The following MAD1L1 variants were observed in gnomAD, a reference collection of about 807,000 sequenced individuals.
The protein encoded by MAD1L1 is mitotic arrest deficient 1 like 1.
A neutral mutation model predicts 96.9 loss-of-function variants in MAD1L1; 95 were observed. That is an observed-to-expected ratio of 0.98 (90% CI 0.83 to 1.16). The LOEUF is 1.16. Ranked by LOEUF, MAD1L1 falls within the 50% of genes most tolerant of loss-of-function variation. The probability of loss-of-function intolerance (pLI) is 0.00; values close to 1 mark genes in which losing one functional copy is unlikely to be tolerated. For missense variants in MAD1L1, 1,007 were observed against 954.4 expected, an observed-to-expected ratio of 1.06 and a Z score of -0.73; for synonymous variants, 473 against 396.6, an observed-to-expected ratio of 1.19 and a Z score of -2.29.
chr7:1,816,086 C>CG lies in MAD1L1; in HGVS notation c.2140dup (p.Arg714ProfsTer47). Reference sequence around the variant, plus strand: ...GCCTGCAGGCTACGCCACGGTCTGGCGGCTGAAGAGCTCGAGGGTGAGCGA... The same window carrying CG: ...GCCTGCAGGCTACGCCACGGTCTGGCGGGCTGAAGAGCTCGAGGGTGAGCGA... On this transcript the variant is annotated frameshift_variant, in exon 19 of 19. Transcript: ENST00000265854. LOFTEE classifies it high-confidence loss of function. 2 of 1,611,054 alleles carry CG rather than the reference C, an allele frequency of 1.2e-6. No homozygotes were observed. Among genetic ancestry groups the CG allele is most frequent in the Non-Finnish European group, 1.7e-6 (2 of 1,179,010 alleles).
chr7:1,883,212 C>T (rs544409057), intron 18 of MAD1L1, among the ~76,000 whole-genome samples: 3 of 152,184 alleles, frequency 2.0e-5, no homozygotes, highest in African/African-American at 7.2e-5. Flanking sequence ...TCCTTAACAA[C>T]AAACCTTGTG....
At chr7:1,994,400 C>T (rs1781469639) in intron 14 of MAD1L1, among the ~76,000 whole-genome samples, 1 of 152,184 alleles carries the variant, frequency 6.6e-6, no homozygotes, top group African/African-American at 2.4e-5. Flanking sequence ...GGGAGCAGCA[C>T]AGGGATTGCT....
At chr7:2,153,061 C>T (rs962081610) in intron 10 of MAD1L1, among the ~76,000 whole-genome samples, 3 of 152,058 alleles carry the variant, frequency 2.0e-5, no homozygotes, top group African/African-American at 4.8e-5. Flanking sequence ...AGGCTGAAAC[C>T]TAAGACCCAA....
In MAD1L1 at chr7:1,815,927, A is replaced by G; in HGVS notation, c.*143T>C. 1 of 988,278 alleles carries G rather than the reference A, an allele frequency of 1.0e-6. No homozygotes were observed. Among genetic ancestry groups the G allele is most frequent in the Non-Finnish European group, 1.4e-6 (1 of 692,682 alleles). 61.2% of individuals were successfully genotyped at this position (988,278 alleles called of 1,614,324 possible). ...GCCGCCCCAGCAGGAAGCCCGACGT[A>G]GGTCCCAGCGTGTCTGTCAGTCATG... On this transcript the variant is annotated 3_prime_UTR_variant, in exon 19 of 19. Coordinates refer to ENST00000265854, the MANE Select transcript of MAD1L1 (RefSeq NM_001013836.2).
intron 12 of MAD1L1, among the ~76,000 whole-genome samples, chr7:2,033,401 G>C (rs1009800089): frequency 2.0e-5 from 3 of 152,260 alleles, no homozygotes; most frequent in African/African-American, 7.2e-5. Flanking sequence ...CCCCGAAGCA[G>C]TGGAAGGAAT....
chr7:1,972,604 A>AT (rs55656816), intron 15 of MAD1L1, among the ~76,000 whole-genome samples: 149,546 of 151,840 alleles, frequency 0.98, 73,680 homozygotes, highest in East Asian at 1. Context: ...ATTTTATTGA[A>AT]TTTTTTTTCC....
At position 1,949,603 on chromosome 7, in the gene MAD1L1, G is replaced by A. The variant is rs550052431; in HGVS notation, c.1596+8026C>T. 3.9e-5 allele frequency among the ~76,000 whole-genome samples: 6 copies of A among 152,276 alleles called. No homozygotes were observed. In the South Asian group the frequency reaches 6.2e-4, roughly 16 times the overall value. On this transcript the variant is annotated intron_variant, in intron 16 of 18. Transcript: ENST00000265854. ...CCTCTTCCTGGCCCCCAGGAGAGCC[G>A]CAGCCACTTTCCACCTCCCCTGAAA...
intron 12 of MAD1L1, among the ~76,000 whole-genome samples, chr7:2,022,557 G>GA (rs60897368): frequency 0.36 from 53,578 of 148,914 alleles, 10,580 homozygotes; most frequent in African/African-American, 0.54. Flanking sequence ...GTCTCCAAAA[G>GA]AAAAAAAAAA....
intron 14 of MAD1L1, among the ~76,000 whole-genome samples, chr7:1,986,172 A>T (rs1040933031): frequency 6.6e-6 from 1 of 152,192 alleles, no homozygotes; most frequent in Admixed American, 6.5e-5. Context: ...TGCGAGTCCA[A>T]TCAGCCCCCA....
In MAD1L1 at chr7:2,201,098, C is replaced by T. The variant is rs564844957; in HGVS notation, c.986+12114G>A. 5.4e-4 allele frequency among the ~76,000 whole-genome samples: 82 copies of T among 152,316 alleles called. 1 individual carries two copies. The highest frequency in any genetic ancestry group is 1.0e-3 in the Non-Finnish European group (69 of 68,020). On this transcript the variant is annotated intron_variant, in intron 10 of 18. Coordinates refer to ENST00000265854, the MANE Select transcript of MAD1L1 (RefSeq NM_001013836.2). Reference sequence around the variant, plus strand: ...CCAGGTGATCCTGTAGAGGTCACACCTCACAGCCCCAAAGCTGACGTTGAG... The same window carrying T: ...CCAGGTGATCCTGTAGAGGTCACACTTCACAGCCCCAAAGCTGACGTTGAG...
chr7:1,972,572 C>T (rs1386315038), intron 15 of MAD1L1, among the ~76,000 whole-genome samples: 1 of 148,796 alleles, frequency 6.7e-6, no homozygotes, highest in African/African-American at 2.5e-5. Context: ...TTATTTTTGT[C>T]AAATTTGCTA....
At chr7:2,176,988 G>A (rs1042541896) in intron 10 of MAD1L1, among the ~76,000 whole-genome samples, 8 of 152,210 alleles carry the variant, frequency 5.3e-5, no homozygotes, top group African/African-American at 1.9e-4. Context: ...TTCTCCAGGT[G>A]AACTGTGAAT....
intron 11 of MAD1L1, among the ~76,000 whole-genome samples, chr7:2,133,714 A>T (rs1244901705): frequency 6.6e-6 from 1 of 152,188 alleles, no homozygotes; most frequent in Non-Finnish European, 1.5e-5. Flanking sequence ...CTCTGAGTTG[A>T]TTTTTGAGGA....
intron 18 of MAD1L1, among the ~76,000 whole-genome samples, chr7:1,834,128 C>T (rs1350059101): frequency 1.3e-5 from 2 of 152,082 alleles, no homozygotes; most frequent in African/African-American, 4.8e-5. Context: ...GTCATTTGAA[C>T]TGAATGAAGA....
chr7:1,881,745 T>C (rs1404879150), intron 18 of MAD1L1, among the ~76,000 whole-genome samples: 1 of 152,064 alleles, frequency 6.6e-6, no homozygotes, highest in Non-Finnish European at 1.5e-5. Context: ...GAAACAGACA[T>C]GAAGATGTGG....
intron 9 of MAD1L1, among the ~76,000 whole-genome samples, chr7:2,214,370 T>C (rs1157149597): frequency 1.3e-5 from 2 of 152,216 alleles, no homozygotes; most frequent in Non-Finnish European, 2.9e-5. Flanking sequence ...GAAGAGTCCC[T>C]GCCAGATACC....
intron 11 of MAD1L1, among the ~76,000 whole-genome samples, chr7:2,102,743 T>C (rs953206152): frequency 1.3e-5 from 2 of 149,538 alleles, no homozygotes; most frequent in African/African-American, 5.0e-5. Context: ...ATCACCACTG[T>C]CACCATCAGT....
intron 17 of MAD1L1, among the ~76,000 whole-genome samples, chr7:1,917,873 G>A (rs1463035020): frequency 1.3e-5 from 2 of 152,216 alleles, no homozygotes; most frequent in African/African-American, 2.4e-5. Flanking sequence ...TCCCCAGGAA[G>A]ACAAAGCCCC....
intron 18 of MAD1L1, chr7:1,849,318 C>T (rs1488550327): frequency 6.6e-6 from 1 of 152,240 alleles, no homozygotes; most frequent in Non-Finnish European, 1.5e-5. Context: ...GCCATGTTTA[C>T]CAGCCGTCCT....
Sources: allele counts gnomAD v4.1 joint callset (sites outside exome capture counted in the v4.1 genomes callset), GRCh38; gene constraint gnomAD v4.1.1; transcripts MANE v1.5; gene names NCBI Gene and HGNC (gene_info 2026-07-23, HGNC 2026-07-21).